The following LRFN5 variants were observed in gnomAD, a reference collection of about 807,000 sequenced individuals.
LRFN5 encodes the protein leucine-rich repeat and fibronectin type-III domain-containing protein 5.
A neutral mutation model predicts 45.6 loss-of-function variants in LRFN5; 24 were observed. That is an observed-to-expected ratio of 0.53 (90% CI 0.38 to 0.74). The LOEUF is 0.74. Ranked by LOEUF, LRFN5 falls within the 30% of genes least tolerant of loss-of-function variation. The pLI, the probability that LRFN5 is intolerant of heterozygous loss-of-function variation, is 0.00. For synonymous variants in LRFN5, 340 were observed against 313.8 expected, an observed-to-expected ratio of 1.08 and a Z score of -0.88; for missense variants, 776 against 861.5, an observed-to-expected ratio of 0.90 and a Z score of 1.24.
intron 2 of LRFN5, among the ~76,000 whole-genome samples, chr14:41,856,669 A>ATTTTT (rs1385323571): frequency 1.0e-4 from 1 of 10,044 alleles, no homozygotes; most frequent in Non-Finnish European, 2.6e-4. Flanking sequence ...AATTATTATT[A>ATTTTT]TTATTATTTT....
chr14:41,795,802 G>A (rs1470885252), intron 2 of LRFN5, among the ~76,000 whole-genome samples: 1 of 151,950 alleles, frequency 6.6e-6, no homozygotes, highest in Non-Finnish European at 1.5e-5. Flanking sequence ...GGGAGGAATA[G>A]CATTAGAAGA....
At position 41,660,228 on chromosome 14, in the gene LRFN5, G is replaced by A. The variant is rs1328593430; in HGVS notation, c.-197+51666G>A. On this transcript the variant is annotated intron_variant, in intron 1 of 5. Coordinates refer to ENST00000298119, the MANE Select transcript of LRFN5 (RefSeq NM_152447.5). ...TTTAATAGTGAGGAGGTTTCTTCAT[G>A]TTAGCCTGGCTGGTCTTGAACTCTT... 3.9e-5 allele frequency among the ~76,000 whole-genome samples: 6 copies of A among 152,092 alleles called. No individual in the cohort carries two copies. In the South Asian group the frequency reaches 1.2e-3, roughly 32 times the overall value.
At chr14:41,685,413 GACAA>G (rs1882076168) in intron 1 of LRFN5, among the ~76,000 whole-genome samples, 1 of 152,114 alleles carries the variant, frequency 6.6e-6, no homozygotes, top group African/African-American at 2.4e-5. Flanking sequence ...CCTATTACCA[GACAA>G]ACAGATAGAG....
intron 1 of LRFN5, among the ~76,000 whole-genome samples, chr14:41,637,771 TG>T (rs1028683299): frequency 2.7e-4 from 41 of 152,156 alleles, no homozygotes; most frequent in Non-Finnish European, 5.1e-4. Flanking sequence ...TTTGCATTTT[TG>T]TTAAGCACCA....
At chr14:41,781,963 AT>A in intron 2 of LRFN5, among the ~76,000 whole-genome samples, 1 of 151,904 alleles carries the variant, frequency 6.6e-6, no homozygotes, top group Middle Eastern at 3.4e-3. Flanking sequence ...TTGTTTCAAG[AT>A]TTTTGCTTTA....
intron 1 of LRFN5, among the ~76,000 whole-genome samples, chr14:41,752,596 C>G (rs1594675000): frequency 6.6e-6 from 1 of 152,218 alleles, no homozygotes; most frequent in East Asian, 1.9e-4. Context: ...CCTTTGCCCA[C>G]ATTTTGATGG....
intron 1 of LRFN5, among the ~76,000 whole-genome samples, chr14:41,730,531 C>T (rs1370610119): frequency 3.3e-5 from 5 of 151,844 alleles, no homozygotes; most frequent in Admixed American, 2.6e-4. Context: ...AGGATTTCCA[C>T]AGGAAATGTA....
At chr14:41,668,441 C>T (rs953798408) in intron 1 of LRFN5, among the ~76,000 whole-genome samples, 4 of 152,070 alleles carry the variant, frequency 2.6e-5, no homozygotes, top group African/African-American at 9.7e-5. Flanking sequence ...TCACACATAT[C>T]TATGCATTCT....
At chr14:41,611,696 C>T (rs747394396) in intron 1 of LRFN5, among the ~76,000 whole-genome samples, 2 of 151,510 alleles carry the variant, frequency 1.3e-5, no homozygotes, top group African/African-American at 2.4e-5. Flanking sequence ...CTTTCACATA[C>T]GTCTCTCCTT....
chr14:41,617,122 T>C (rs1887953730), intron 1 of LRFN5, among the ~76,000 whole-genome samples: 2 of 152,126 alleles, frequency 1.3e-5, no homozygotes, highest in South Asian at 2.1e-4. Flanking sequence ...ACATGAGCTT[T>C]CCCTGTACTT....
chr14:41,752,914 C>G (rs988140036), intron 1 of LRFN5, among the ~76,000 whole-genome samples: 1 of 152,148 alleles, frequency 6.6e-6, no homozygotes, highest in Non-Finnish European at 1.5e-5. Context: ...ACATTTAAGT[C>G]TTTAATCCAT....
intron 4 of LRFN5, chr14:41,894,795 A>G: frequency 1.0e-6 from 1 of 981,848 alleles, no homozygotes; most frequent in Non-Finnish European, 1.2e-6. Flanking sequence ...TGTTAGTACA[A>G]TACAGATTTG....
In LRFN5 at chr14:41,845,745, C is replaced by T. The variant is rs1332471670; in HGVS notation, c.-20-40861C>T. ...TTGTCAACAAAAAAAAAGTTGAATA[C>T]TACCCAACAATAAGAGTATTAAAAT... On this transcript the variant is annotated intron_variant, in intron 2 of 5. Transcript: ENST00000298119. Among the ~76,000 whole-genome samples, 3 of 152,242 alleles carry T rather than the reference C, an allele frequency of 2.0e-5. No homozygotes were observed. In the East Asian group the frequency reaches 5.8e-4, roughly 29 times the overall value.
chr14:41,744,017 T>C (rs931033199), intron 1 of LRFN5, among the ~76,000 whole-genome samples: 1 of 152,110 alleles, frequency 6.6e-6, no homozygotes, highest in Non-Finnish European at 1.5e-5. Flanking sequence ...AATTCAATCA[T>C]TTGGTAACTA....
intron 1 of LRFN5, among the ~76,000 whole-genome samples, chr14:41,624,309 G>C: frequency 6.6e-6 from 1 of 151,934 alleles, no homozygotes; most frequent in East Asian, 1.9e-4. Context: ...ATCCTTTTGT[G>C]AAAATTTCAT....
At chr14:41,764,087 T>C (rs1185139310) in intron 1 of LRFN5, among the ~76,000 whole-genome samples, 1 of 152,158 alleles carries the variant, frequency 6.6e-6, no homozygotes, top group African/African-American at 2.4e-5. Flanking sequence ...AAATCTGAAT[T>C]TTCCCTCTTT....
At chr14:41,719,001 C>T (rs1419288740) in intron 1 of LRFN5, among the ~76,000 whole-genome samples, 1 of 152,108 alleles carries the variant, frequency 6.6e-6, no homozygotes, top group Non-Finnish European at 1.5e-5. Context: ...AAGGAGGCAG[C>T]ATTAAGAGGA....
chr14:41,742,431 T>G (rs1884740566), intron 1 of LRFN5, among the ~76,000 whole-genome samples: 1 of 152,092 alleles, frequency 6.6e-6, no homozygotes, highest in Admixed American at 6.6e-5. Flanking sequence ...CTAAGTGAAT[T>G]CAGCCAGTCA....
At chr14:41,725,443 T>A (rs1732010577) in intron 1 of LRFN5, among the ~76,000 whole-genome samples, 2 of 152,212 alleles carry the variant, frequency 1.3e-5, no homozygotes, top group African/African-American at 4.8e-5. Context: ...ACTAGAGAGA[T>A]ATCTTCTTGT....
Sources: gnomAD v4.1 joint callset for allele counts (sites outside exome capture counted in the v4.1 genomes callset) on GRCh38, gnomAD v4.1.1 for gene constraint, MANE v1.5 for transcripts, NCBI Gene and HGNC (gene_info 2026-07-23, HGNC 2026-07-21) for gene names.